ERMP1: variants seen among roughly 807,000 people sequenced by gnomAD.
The protein encoded by ERMP1 is endoplasmic reticulum metallopeptidase 1, also known as Felix-ina.
A neutral mutation model predicts 92.0 loss-of-function variants in ERMP1; 86 were observed. That is an observed-to-expected ratio of 0.93 (90% confidence interval 0.79 to 1.12). The LOEUF is 1.12. ERMP1 is among the 50% of genes most tolerant of loss of function. The pLI is 0.00. For synonymous variants in ERMP1, 530 were observed against 412.8 expected (o/e 1.28, Z -3.44); for missense variants, 1,342 against 1,116.3 (o/e 1.20, Z -2.88).
At chr9:5,866,261 G>C (rs1830657265) in intron 5 of ERMP1, among the ~76,000 whole-genome samples, 1 of 151,636 alleles carries the variant, frequency 6.6e-6, no homozygotes, top group South Asian at 2.1e-4. Context: ...TTGATTTCTA[G>C]ATCGAACAGG....
At chr9:5,805,255 T>A (rs774303836) in intron 9 of ERMP1, 38 bp from the exon 10 acceptor site, 1 of 1,491,434 alleles carries the variant, frequency 6.7e-7, no homozygotes, top group Admixed American at 2.0e-5. Context: ...ATCTATGAAA[T>A]CCTCCAGTGA....
chr9:5,833,080 C>A lies in ERMP1; in HGVS notation c.-53G>T. On this transcript the variant is annotated 5_prime_UTR_variant, in exon 1 of 15. Transcript: ENST00000339450. Reference sequence around the variant, plus strand: ...CCGCCCCAACCCGCGACAGCCCCGGCCGCCGCCGACGCCGCCGTCGCTGCC... The same window carrying A: ...CCGCCCCAACCCGCGACAGCCCCGGACGCCGCCGACGCCGCCGTCGCTGCC... The A allele has an allele frequency of 7.3e-7, 1 of 1,364,372 alleles. No individual in the cohort carries two copies. The highest frequency in any genetic ancestry group is 3.0e-5 in the East Asian group (1 of 33,684). The allele number at this position is 1,364,372 out of a possible 1,614,324, so 84.5% of individuals were successfully genotyped here.
intron 5 of ERMP1, among the ~76,000 whole-genome samples, chr9:5,861,532 A>G (rs1830494415): frequency 6.6e-6 from 1 of 152,046 alleles, no homozygotes; most frequent in Non-Finnish European, 1.5e-5. Context: ...ATGGCACTAA[A>G]AGCAGATTCC....
chr9:5,805,901 T>G, intron 8 of ERMP1, 116 bp from the exon 9 acceptor site: 1 of 772,866 alleles, frequency 1.3e-6, no homozygotes, highest in East Asian at 3.0e-5. Flanking sequence ...TTAAACACAG[T>G]CTGCTCTTTA....
chr9:5,857,150 T>G (rs1338897009), intron 6 of ERMP1, among the ~76,000 whole-genome samples: 1 of 152,168 alleles, frequency 6.6e-6, no homozygotes, highest in African/African-American at 2.4e-5. Flanking sequence ...GACTCCCAAG[T>G]AGCCGGGACT....
intron 4 of ERMP1, among the ~76,000 whole-genome samples, chr9:5,820,080 C>G (rs967158897): frequency 1.3e-5 from 2 of 152,146 alleles, no homozygotes; most frequent in Non-Finnish European, 2.9e-5. Context: ...GGGCCGATCA[C>G]CTGAGCTCAG....
At chr9:5,848,559 G>C (rs1054628289) in intron 6 of ERMP1, among the ~76,000 whole-genome samples, 1 of 152,212 alleles carries the variant, frequency 6.6e-6, no homozygotes, top group Non-Finnish European at 1.5e-5. Flanking sequence ...AGAAGTCTCA[G>C]TGGTTTTGTC....
intron 13 of ERMP1, chr9:5,791,177 G>A (rs1164612284): frequency 8.8e-6 from 4 of 455,874 alleles, no homozygotes. Flanking sequence ...TGTACAGAGA[G>A]AAAGAGAGAG....
At chr9:5,790,121 A>G (rs1828117372) in intron 13 of ERMP1, among the ~76,000 whole-genome samples, 1 of 152,086 alleles carries the variant, frequency 6.6e-6, no homozygotes, top group South Asian at 2.1e-4. Flanking sequence ...GGAAAGTAGA[A>G]TAAGCATGGC....
intron 4 of ERMP1, among the ~76,000 whole-genome samples, chr9:5,816,929 C>T (rs1374418649): frequency 5.4e-5 from 8 of 147,026 alleles, no homozygotes; most frequent in Admixed American, 1.4e-4. Flanking sequence ...GACAGAGTCT[C>T]GCTCTGTCTC....
chr9:5,787,666 A>G, intron 13 of ERMP1, 73 bp from the exon 14 acceptor site: 1 of 1,458,572 alleles, frequency 6.9e-7, no homozygotes. Context: ...AATCCAAACC[A>G]GACTTCATAA....
At chr9:5,841,354 G>A (rs999798964) in intron 6 of ERMP1, among the ~76,000 whole-genome samples, 7 of 152,226 alleles carry the variant, frequency 4.6e-5, no homozygotes, top group Admixed American at 1.3e-4. Flanking sequence ...GACACAGCAG[G>A]TCACATATTA....
chr9:5,805,743 A>T lies in ERMP1; in HGVS notation c.1591T>A (p.Ser531Thr). 6.2e-7 allele frequency: 1 copy of T among 1,610,882 alleles called. No homozygotes were observed. Among genetic ancestry groups the T allele is most frequent in the South Asian group, 1.1e-5 (1 of 90,368 alleles). ...AGAAAACAGCAATGGACAAACAGCGAAATGTCAAAAAATACTTCTCCCAGA... is the reference window on the plus strand; with the variant it reads ...AGAAAACAGCAATGGACAAACAGCGTAATGTCAAAAAATACTTCTCCCAGA... ...QYLGEVFFDI[S>T]LFVHCCFLVT... Residue 531 changes from serine to threonine, a missense_variant, in exon 9 of 15, where the codon TCG becomes ACG. Transcript: ENST00000339450.
intron 6 of ERMP1, among the ~76,000 whole-genome samples, chr9:5,842,336 C>A (rs1426783297): frequency 1.3e-5 from 2 of 149,912 alleles, no homozygotes; most frequent in South Asian, 2.1e-4. Flanking sequence ...TTTAGCTAGA[C>A]AGAGAAGTTC....
intron 5 of ERMP1, among the ~76,000 whole-genome samples, chr9:5,862,733 C>T (rs993427619): frequency 5.3e-5 from 8 of 152,142 alleles, no homozygotes; most frequent in Admixed American, 2.0e-4. Context: ...CTTGATTAAC[C>T]GGCTTAATCC....
chr9:5,810,342 C>T (rs1829044401), intron 7 of ERMP1, 111 bp from the exon 8 acceptor site: 4 of 697,880 alleles, frequency 5.7e-6, no homozygotes. Flanking sequence ...CCCCACTGTA[C>T]TTGAAAAGTA....
At chr9:5,800,603 G>C (rs1474694274) in intron 11 of ERMP1, among the ~76,000 whole-genome samples, 1 of 152,110 alleles carries the variant, frequency 6.6e-6, no homozygotes, top group East Asian at 1.9e-4. Flanking sequence ...TTGAACCGAG[G>C]GGGCAGAGGT....
intron 10 of ERMP1, among the ~76,000 whole-genome samples, chr9:5,801,823 G>A (rs1828684980): frequency 6.6e-6 from 1 of 152,094 alleles, no homozygotes; most frequent in African/African-American, 2.4e-5. Context: ...CTGCATAAGA[G>A]GAAAAACTGC....
At chr9:5,851,164 A>G (rs1830303555) in intron 6 of ERMP1, among the ~76,000 whole-genome samples, 1 of 152,210 alleles carries the variant, frequency 6.6e-6, no homozygotes, top group Admixed American at 6.5e-5. Context: ...TTGTGAACAT[A>G]GTGCATCTTG....
Sources: gnomAD v4.1 joint callset for allele counts (sites outside exome capture counted in the v4.1 genomes callset) on GRCh38, gnomAD v4.1.1 for gene constraint, MANE v1.5 for transcripts, NCBI Gene and HGNC (gene_info 2026-07-23, HGNC 2026-07-21) for gene names.